The following AGO3 variants were observed in gnomAD, a reference collection of about 807,000 sequenced individuals.
The protein encoded by AGO3 is argonaute RISC catalytic component 3.
Under a neutral mutation model 105.5 loss-of-function variants are expected in AGO3, and 16 were observed. The observed-to-expected ratio is 0.15, with a 90% CI of 0.10 to 0.23. The LOEUF is 0.23. Ranked by LOEUF, AGO3 falls within the 10% of genes least tolerant of loss-of-function variation. The pLI is 1.00. For synonymous variants in AGO3, 340 were observed against 367.3 expected, an observed-to-expected ratio of 0.93 and a Z score of 0.85; for missense variants, 534 against 1,088.0, an observed-to-expected ratio of 0.49 and a Z score of 7.16.
At chr1:35,942,204 C>A (rs559942554) in intron 1 of AGO3, among the ~76,000 whole-genome samples, 34 of 151,956 alleles carry the variant, frequency 2.2e-4, no homozygotes, top group African/African-American at 4.8e-5. Flanking sequence ...AGTCTCTTTT[C>A]ATCTACACTG....
chr1:36,036,168 G>A lies in AGO3; in HGVS notation c.1752-9G>A, dbSNP rs1445680112. ...GAAATATCTAACCCTTTTTCAAAAT[G>A]TGTTTAAGACCTTCTGTGTTCCAGC... On this transcript the variant is annotated splice_polypyrimidine_tract_variant and intron_variant, in intron 13 of 18. Transcript: ENST00000373191. 2.5e-6 allele frequency: 4 copies of A among 1,610,752 alleles called. No homozygotes were observed. Among genetic ancestry groups the A allele is most frequent in the African/African-American group, 1.3e-5 (1 of 74,616 alleles).
Position 35,977,182 on chromosome 1 carries a change from G to T in AGO3, c.658+3671G>T, listed in dbSNP as rs1646968686. Among the ~76,000 whole-genome samples, 3 of 147,932 alleles carry T rather than the reference G, an allele frequency of 2.0e-5. No homozygotes were observed. In the Admixed American group the frequency reaches 2.1e-4, roughly 10 times the overall value. On this transcript the variant is annotated intron_variant, in intron 5 of 18. Coordinates refer to ENST00000373191, the MANE Select transcript of AGO3 (RefSeq NM_024852.4). ...CCATTTACCCTGATCTGATTATTAT[G>T]CATTATATGCTTGTATCAAAAGCTC...
intron 13 of AGO3, among the ~76,000 whole-genome samples, chr1:36,034,841 C>T (rs535889575): frequency 1.3e-5 from 2 of 152,282 alleles, no homozygotes; most frequent in East Asian, 3.9e-4. Context: ...TTAAGTAAGC[C>T]ATATCAGCCT....
chr1:36,059,471 A>G lies in AGO3; in HGVS notation c.*3726A>G, dbSNP rs1219182564. On this transcript the variant is annotated 3_prime_UTR_variant, in exon 19 of 19. Coordinates refer to ENST00000373191, the MANE Select transcript of AGO3 (RefSeq NM_024852.4). ...CTTCTGCTCCTGCCCTTGCTCACTA[A>G]CTATATCATGAATGCTAGATTTTGG... 1 of 151,296 alleles carries G rather than the reference A, an allele frequency of 6.6e-6. No homozygotes were observed. 9.4% of individuals were successfully genotyped at this position (151,296 alleles called of 1,614,324 possible).
intron 5 of AGO3, chr1:35,982,510 T>G (rs1294930585): frequency 1.6e-6 from 1 of 613,896 alleles, no homozygotes; most frequent in Non-Finnish European, 3.0e-6. Context: ...TAGAAAGAAA[T>G]AAAAGATAAA....
intron 2 of AGO3, among the ~76,000 whole-genome samples, chr1:35,953,471 T>A (rs1318717397): frequency 6.6e-6 from 1 of 152,196 alleles, no homozygotes; most frequent in Non-Finnish European, 1.5e-5. Flanking sequence ...TTTTCATGTA[T>A]TTATTGGTCA....
intron 2 of AGO3, among the ~76,000 whole-genome samples, chr1:35,947,578 G>A (rs544971562): frequency 6.6e-6 from 1 of 152,266 alleles, no homozygotes; most frequent in East Asian, 1.9e-4. Context: ...ACTCAGTAAA[G>A]TGAATGAAAT....
chr1:36,063,483 G>A lies in AGO3; in HGVS notation c.*7738G>A, dbSNP rs1245455897. Reference sequence around the variant, plus strand: ...AATAGCAAATGATTCAAAATTCATTGAATTGACTTTGAAATGAAACTTTTC... The same window carrying A: ...AATAGCAAATGATTCAAAATTCATTAAATTGACTTTGAAATGAAACTTTTC... On this transcript the variant is annotated 3_prime_UTR_variant, in exon 19 of 19. Coordinates refer to ENST00000373191, the MANE Select transcript of AGO3 (RefSeq NM_024852.4). The A allele has an allele frequency of 6.6e-6, 1 of 151,908 alleles. No homozygotes were observed. Among genetic ancestry groups the A allele is most frequent in the Non-Finnish European group, 1.5e-5 (1 of 67,990 alleles). 9.4% of individuals were successfully genotyped at this position (151,908 alleles called of 1,614,324 possible).
At chr1:35,961,485 T>A (rs940731986) in intron 2 of AGO3, among the ~76,000 whole-genome samples, 16 of 152,190 alleles carry the variant, frequency 1.1e-4, no homozygotes, top group African/African-American at 3.6e-4. Context: ...CAACTATTTT[T>A]CCTAGTTCTT....
At chr1:35,996,449 G>A (rs75371657) in intron 5 of AGO3, among the ~76,000 whole-genome samples, 1 of 151,930 alleles carries the variant, frequency 6.6e-6, no homozygotes, top group Non-Finnish European at 1.5e-5. Flanking sequence ...TAGAAAAAAA[G>A]TAGTAGTAAA....
rs1358159711 is a variant in AGO3, at chr1:36,067,817, C to A, written c.*12072C>A. On this transcript the variant is annotated 3_prime_UTR_variant, in exon 19 of 19. Transcript: ENST00000373191. ...CTCCAGCCTGGGTGGCAGAGTGAGACTCCGTCTCAAAAAAAAAAAAAAGAA... is the reference window on the plus strand; with the variant it reads ...CTCCAGCCTGGGTGGCAGAGTGAGAATCCGTCTCAAAAAAAAAAAAAAGAA... The A allele has an allele frequency of 6.7e-6, 1 of 149,658 alleles. No individual in the cohort carries two copies. Among genetic ancestry groups the A allele is most frequent in the African/African-American group, 2.5e-5 (1 of 40,464 alleles). 9.3% of individuals were successfully genotyped at this position (149,658 alleles called of 1,614,324 possible).
At chr1:35,953,742 C>T (rs1557649155) in intron 2 of AGO3, among the ~76,000 whole-genome samples, 1 of 152,058 alleles carries the variant, frequency 6.6e-6, no homozygotes, top group African/African-American at 2.4e-5. Context: ...GAACCTCTGA[C>T]CTCAGGTGAT....
chr1:35,967,393 A>G (rs1646793412), intron 3 of AGO3, among the ~76,000 whole-genome samples: 1 of 147,608 alleles, frequency 6.8e-6, no homozygotes, highest in Admixed American at 7.0e-5. Flanking sequence ...ACCATGCCCC[A>G]TTAATATTTA....
rs370039767 is a variant in AGO3, at chr1:36,034,932, C to T, written c.1751+599C>T. Among the ~76,000 whole-genome samples the T allele has an allele frequency of 9.9e-5, 15 of 152,246 alleles. No individual in the cohort carries two copies. In the East Asian group the frequency reaches 1.7e-3, roughly 18 times the overall value. On this transcript the variant is annotated intron_variant, in intron 13 of 18. Transcript: ENST00000373191. ...GGAGCTCTTAGGAAGTAAGAGACAA[C>T]ATGACCTAGAAACAGGAGGTAGCTT...
At chr1:36,044,492 C>T (rs753847006) in intron 17 of AGO3, among the ~76,000 whole-genome samples, 10 of 151,876 alleles carry the variant, frequency 6.6e-5, no homozygotes, top group Non-Finnish European at 1.3e-4. Flanking sequence ...GGCATGATCT[C>T]GGCTCACTGC....
intron 2 of AGO3, among the ~76,000 whole-genome samples, chr1:35,952,079 T>C (rs2148755905): frequency 6.6e-6 from 1 of 151,720 alleles, no homozygotes; most frequent in African/African-American, 2.4e-5. Flanking sequence ...TAATCTACTT[T>C]CTTTCTCTGT....
At chr1:36,054,275 CATTT>C (rs1160726432) in intron 17 of AGO3, among the ~76,000 whole-genome samples, 1 of 151,942 alleles carries the variant, frequency 6.6e-6, no homozygotes, top group Non-Finnish European at 1.5e-5. Context: ...TATTTCATTT[CATTT>C]ATTTATTTAT....
chr1:36,000,687 A>G (rs1316998047), intron 5 of AGO3, among the ~76,000 whole-genome samples: 1 of 152,060 alleles, frequency 6.6e-6, no homozygotes, highest in Non-Finnish European at 1.5e-5. Context: ...CATTATAAAC[A>G]TATAACTTAA....
intron 3 of AGO3, among the ~76,000 whole-genome samples, chr1:35,967,542 GT>G (rs1232780099): frequency 2.6e-5 from 4 of 151,970 alleles, no homozygotes; most frequent in Non-Finnish European, 5.9e-5. Flanking sequence ...AGCGTCCTGA[GT>G]AGCTGGGATT....
Sources: gnomAD v4.1 joint callset for allele counts (sites outside exome capture counted in the v4.1 genomes callset) on GRCh38, gnomAD v4.1.1 for gene constraint, MANE v1.5 for transcripts, NCBI Gene and HGNC (gene_info 2026-07-23, HGNC 2026-07-21) for gene names.